ROBO1: variants seen among roughly 807,000 people sequenced by gnomAD.
The protein encoded by ROBO1 is roundabout homolog 1.
Under a neutral mutation model 195.9 loss-of-function variants are expected in ROBO1, and 149 were observed. The observed-to-expected ratio is 0.76, with a 90% CI of 0.67 to 0.87. The LOEUF (loss-of-function observed/expected upper bound fraction) is 0.87, where lower values mean the gene tolerates loss of function less well. ROBO1 is among the 40% of genes least tolerant of loss of function. ROBO1 has a pLI of 0.00. For missense variants in ROBO1, 1,933 were observed against 2,068.3 expected (o/e 0.93, Z 1.27); for synonymous variants, 816 against 733.2 (o/e 1.11, Z -1.82).
At position 78,807,998 on chromosome 3, in the gene ROBO1, C is replaced by A. The variant is rs76722583; in HGVS notation, c.500-61098G>T. ...TAGAAAAGCAATAAATAATGAAGCC[C>A]TCATGATGTAAAAACTGAAACTTGT... On this transcript the variant is annotated intron_variant, in intron 4 of 30. Coordinates refer to ENST00000464233, the MANE Select transcript of ROBO1 (RefSeq NM_002941.4). Among the ~76,000 whole-genome samples the A allele has an allele frequency of 3.5e-3, 533 of 152,248 alleles. 3 individuals are homozygous for A. Among genetic ancestry groups the A allele is most frequent in the Non-Finnish European group, 5.8e-3 (396 of 68,010 alleles).
At chr3:79,588,274 A>AT (rs1354122517) in intron 2 of ROBO1, among the ~76,000 whole-genome samples, 4 of 151,746 alleles carry the variant, frequency 2.6e-5, no homozygotes, top group African/African-American at 9.7e-5. Flanking sequence ...ATCCTTTTGA[A>AT]TAAAAAGGTA....
intron 4 of ROBO1, among the ~76,000 whole-genome samples, chr3:78,853,056 G>A (rs2034172893): frequency 1.3e-5 from 2 of 152,162 alleles, no homozygotes; most frequent in Non-Finnish European, 2.9e-5. Context: ...TTCCATTTCA[G>A]ACATTTGCTT....
chr3:78,991,628 G>C (rs1408194910), intron 3 of ROBO1, among the ~76,000 whole-genome samples: 5 of 152,142 alleles, frequency 3.3e-5, no homozygotes, highest in African/African-American at 4.8e-5. Flanking sequence ...CTGGCTTCCT[G>C]GCTTCCTTGC....
chr3:79,239,254 T>C (rs2082469089), intron 2 of ROBO1, among the ~76,000 whole-genome samples: 1 of 152,144 alleles, frequency 6.6e-6, no homozygotes, highest in African/African-American at 2.4e-5. Flanking sequence ...TATTTAAAAT[T>C]CTTAGGAACA....
chr3:78,967,063 A>G (rs2076660544), intron 3 of ROBO1, among the ~76,000 whole-genome samples: 1 of 152,342 alleles, frequency 6.6e-6, no homozygotes, highest in East Asian at 1.9e-4. Flanking sequence ...CACATATGTA[A>G]TAAATGCTAG....
At chr3:79,152,022 A>G (rs1429296897) in intron 2 of ROBO1, among the ~76,000 whole-genome samples, 1 of 151,776 alleles carries the variant, frequency 6.6e-6, no homozygotes, top group East Asian at 1.9e-4. Flanking sequence ...CATTTATACG[A>G]ATACATATTA....
At chr3:79,516,353 T>G (rs1463718527) in intron 2 of ROBO1, among the ~76,000 whole-genome samples, 1 of 152,100 alleles carries the variant, frequency 6.6e-6, no homozygotes, top group African/African-American at 2.4e-5. Context: ...TTACCTATAT[T>G]TATATTTTAA....
At chr3:79,562,245 C>G (rs1032304002) in intron 2 of ROBO1, among the ~76,000 whole-genome samples, 2 of 87,838 alleles carry the variant, frequency 2.3e-5, no homozygotes, top group African/African-American at 1.2e-4. Flanking sequence ...TTCCTAAAAT[C>G]ATGCCTACTT....
chr3:78,732,866 C>A (rs1276881190), intron 5 of ROBO1, among the ~76,000 whole-genome samples: 1 of 152,088 alleles, frequency 6.6e-6, no homozygotes, highest in East Asian at 1.9e-4. Flanking sequence ...AAGCCTGTTT[C>A]TAATGCAATA....
intron 2 of ROBO1, among the ~76,000 whole-genome samples, chr3:79,538,567 C>A (rs1941957042): frequency 6.6e-6 from 1 of 152,012 alleles, no homozygotes; most frequent in South Asian, 2.1e-4. Context: ...TGGTTACCTG[C>A]AACCGAAAAG....
chr3:78,986,445 A>G (rs1347137011), intron 3 of ROBO1, among the ~76,000 whole-genome samples: 1 of 151,740 alleles, frequency 6.6e-6, no homozygotes, highest in Non-Finnish European at 1.5e-5. Flanking sequence ...CATACTGGCC[A>G]AATCCCAACT....
intron 2 of ROBO1, among the ~76,000 whole-genome samples, chr3:79,393,373 G>A (rs747309191): frequency 1.2e-4 from 19 of 152,268 alleles, no homozygotes; most frequent in Middle Eastern, 6.8e-3. Flanking sequence ...ACTGTATGCT[G>A]GTTACTACTC....
At chr3:79,360,309 A>T (rs114239108) in intron 2 of ROBO1, among the ~76,000 whole-genome samples, 3,279 of 152,090 alleles carry the variant, frequency 0.022, 123 homozygotes, top group African/African-American at 0.075. Context: ...TTATAAAGGG[A>T]AAAGACATGA....
intron 1 of ROBO1, among the ~76,000 whole-genome samples, chr3:79,686,351 G>A (rs1018513579): frequency 6.6e-6 from 1 of 152,162 alleles, no homozygotes; most frequent in Non-Finnish European, 1.5e-5. Context: ...ATTCAACATA[G>A]TGTTGGAAGT....
intron 2 of ROBO1, among the ~76,000 whole-genome samples, chr3:79,423,831 G>T (rs2038332228): frequency 6.6e-6 from 1 of 152,166 alleles, no homozygotes; most frequent in South Asian, 2.1e-4. Flanking sequence ...TAGAACTGCG[G>T]GTAGGACTGA....
chr3:79,691,473 T>C (rs1947295758), intron 1 of ROBO1, among the ~76,000 whole-genome samples: 1 of 151,404 alleles, frequency 6.6e-6, no homozygotes, highest in African/African-American at 2.4e-5. Context: ...TATATATAAA[T>C]ATATATGTTT....
intron 28 of ROBO1, among the ~76,000 whole-genome samples, chr3:78,612,558 A>C (rs1182862485): frequency 6.6e-6 from 1 of 152,226 alleles, no homozygotes; most frequent in African/African-American, 2.4e-5. Flanking sequence ...TAGTGCATTA[A>C]CAAGAATCTG....
intron 2 of ROBO1, among the ~76,000 whole-genome samples, chr3:79,353,984 G>T (rs1217892424): frequency 6.6e-6 from 1 of 151,940 alleles, no homozygotes; most frequent in Non-Finnish European, 1.5e-5. Context: ...GGTGGAGGTT[G>T]CAGTCAGCTG....
At chr3:79,628,500 G>A (rs992801068) in intron 1 of ROBO1, among the ~76,000 whole-genome samples, 2 of 152,098 alleles carry the variant, frequency 1.3e-5, no homozygotes, top group Non-Finnish European at 1.5e-5. Context: ...AGGGCTGAGG[G>A]AAGGGAACTT....
Sources: gnomAD v4.1 joint callset for allele counts (sites outside exome capture counted in the v4.1 genomes callset) on GRCh38, gnomAD v4.1.1 for gene constraint, MANE v1.5 for transcripts, NCBI Gene and HGNC (gene_info 2026-07-23, HGNC 2026-07-21) for gene names.